EPB41L2: variants seen among roughly 807,000 people sequenced by gnomAD.
EPB41L2 encodes erythrocyte membrane protein band 4.1 like 2, also known as band 4.1-like protein 2.
In EPB41L2, 43 loss-of-function variants were observed where a neutral mutation model predicts 113.0. The ratio of observed to expected loss-of-function variants is 0.38; its 90% CI spans 0.30 to 0.49. EPB41L2 has a LOEUF of 0.49. Ranked by LOEUF, EPB41L2 falls within the 20% of genes least tolerant of loss-of-function variation. EPB41L2 has a pLI of 0.95. For synonymous variants in EPB41L2, 442 were observed against 436.7 expected, an observed-to-expected ratio of 1.01 and a Z score of -0.15; for missense variants, 1,147 against 1,223.4, an observed-to-expected ratio of 0.94 and a Z score of 0.93.
At chr6:130,898,305 C>G (rs1427765116) in intron 8 of EPB41L2, among the ~76,000 whole-genome samples, 3 of 152,014 alleles carry the variant, frequency 2.0e-5, no homozygotes, top group Non-Finnish European at 2.9e-5. Flanking sequence ...ATTAATAACA[C>G]AAATGCAAGA....
chr6:130,999,356 C>T (rs1783836206), intron 1 of EPB41L2, among the ~76,000 whole-genome samples: 1 of 152,132 alleles, frequency 6.6e-6, no homozygotes, highest in African/African-American at 2.4e-5. Flanking sequence ...CAGAAAGAAA[C>T]AATAAGAAAA....
rs564334775 is a variant in EPB41L2 at position 130,933,354 on chromosome 6, C to A, written c.706-6645G>T. Among the ~76,000 whole-genome samples, 8 of 152,278 alleles carry A rather than the reference C, an allele frequency of 5.3e-5. No individual in the cohort carries two copies. In the East Asian group the frequency reaches 1.3e-3, roughly 26 times the overall value. ...CTGTTAATAAAACTTGCCAAATACACTTCAAAAAGAAATATTTTGAATATA... is the reference window on the plus strand; with the variant it reads ...CTGTTAATAAAACTTGCCAAATACAATTCAAAAAGAAATATTTTGAATATA... On this transcript the variant is annotated intron_variant, in intron 3 of 19. Coordinates refer to ENST00000337057, the MANE Select transcript of EPB41L2 (RefSeq NM_001431.4).
At chr6:131,034,749 A>G (rs1342513979) in intron 1 of EPB41L2, among the ~76,000 whole-genome samples, 1 of 152,184 alleles carries the variant, frequency 6.6e-6, no homozygotes, top group East Asian at 1.9e-4. Flanking sequence ...CTATACTTGA[A>G]AGATCACCCT....
chr6:130,974,440 C>T (rs1414245648), intron 1 of EPB41L2, among the ~76,000 whole-genome samples: 1 of 152,082 alleles, frequency 6.6e-6, no homozygotes, highest in Admixed American at 6.5e-5. Flanking sequence ...TCAGCTCCTC[C>T]CTGGCTTCAA....
chr6:130,893,480 G>A (rs1562413844), intron 10 of EPB41L2, among the ~76,000 whole-genome samples: 1 of 152,202 alleles, frequency 6.6e-6, no homozygotes, highest in Non-Finnish European at 1.5e-5. Flanking sequence ...GGAAGCAGGG[G>A]TGCCTAGGGA....
intron 18 of EPB41L2, among the ~76,000 whole-genome samples, chr6:130,860,499 A>G (rs1190160131): frequency 6.6e-6 from 1 of 152,220 alleles, no homozygotes; most frequent in Non-Finnish European, 1.5e-5. Flanking sequence ...ATTATGAGAA[A>G]ACATCACATC....
At chr6:130,998,015 A>C (rs1389764618) in intron 1 of EPB41L2, among the ~76,000 whole-genome samples, 1 of 152,224 alleles carries the variant, frequency 6.6e-6, no homozygotes, top group African/African-American at 2.4e-5. Flanking sequence ...TCCTGTTAAA[A>C]GGTAGTTTAT....
intron 18 of EPB41L2, among the ~76,000 whole-genome samples, chr6:130,860,403 AGTTT>A (rs1781648039): frequency 6.6e-6 from 1 of 152,278 alleles, no homozygotes; most frequent in Non-Finnish European, 1.5e-5. Context: ...ATTCAAAATC[AGTTT>A]GTTAAAACTC....
intron 1 of EPB41L2, among the ~76,000 whole-genome samples, chr6:131,000,445 A>G (rs1323907618): frequency 6.6e-6 from 1 of 152,198 alleles, no homozygotes; most frequent in Non-Finnish European, 1.5e-5. Flanking sequence ...GTCTCCCAGG[A>G]AATCTGACCA....
intron 19 of EPB41L2, among the ~76,000 whole-genome samples, chr6:130,849,518 C>T (rs552402548): frequency 2.3e-4 from 35 of 152,122 alleles, no homozygotes; most frequent in Middle Eastern, 6.8e-3. Flanking sequence ...GTGTGATAAC[C>T]GTGAAAACTG....
intron 3 of EPB41L2, among the ~76,000 whole-genome samples, chr6:130,931,637 A>G (rs1338598214): frequency 6.6e-6 from 1 of 152,138 alleles, no homozygotes; most frequent in Admixed American, 6.5e-5. Flanking sequence ...GTGGCTCACA[A>G]CTTTGTCTTC....
chr6:130,948,585 G>A lies in EPB41L2; in HGVS notation c.705+6520C>T, dbSNP rs540723665. 5.9e-5 allele frequency among the ~76,000 whole-genome samples: 9 copies of A among 152,144 alleles called. No homozygotes were observed. In the South Asian group the frequency reaches 8.3e-4, roughly 14 times the overall value. ...TGGCAAAATAGAGTCACTAATCTCA[G>A]TAGTACTAAAAATAAATGGTCTAAA... On this transcript the variant is annotated intron_variant, in intron 3 of 19. Transcript: ENST00000337057.
chr6:130,980,836 A>G (rs929384697), intron 1 of EPB41L2, among the ~76,000 whole-genome samples: 1 of 152,168 alleles, frequency 6.6e-6, no homozygotes, highest in African/African-American at 2.4e-5. Context: ...GAAACAACCA[A>G]CATGCTTTTG....
chr6:130,870,444 A>C (rs1434086935), intron 14 of EPB41L2: 3 of 1,504,522 alleles, frequency 2.0e-6, no homozygotes, highest in Non-Finnish European at 2.7e-6. Context: ...CAACCACTGA[A>C]ACAAACATCT....
At chr6:130,886,997 T>C (rs1246422619) in intron 11 of EPB41L2, among the ~76,000 whole-genome samples, 3 of 152,170 alleles carry the variant, frequency 2.0e-5, no homozygotes, top group Non-Finnish European at 2.9e-5. Flanking sequence ...TTGGAAAGTA[T>C]ATGGCTATGA....
chr6:131,007,912 A>C (rs1003511383), intron 1 of EPB41L2, among the ~76,000 whole-genome samples: 3 of 152,234 alleles, frequency 2.0e-5, no homozygotes, highest in African/African-American at 7.2e-5. Context: ...TAAAATTTGA[A>C]TTTATGTTTA....
chr6:130,949,169 A>G (rs1423792058), intron 3 of EPB41L2, among the ~76,000 whole-genome samples: 1 of 152,184 alleles, frequency 6.6e-6, no homozygotes, highest in East Asian at 1.9e-4. Context: ...CCACATTCTG[A>G]CCACGCTGTA....
chr6:131,055,198 T>C, intron 1 of EPB41L2, among the ~76,000 whole-genome samples: 1 of 152,180 alleles, frequency 6.6e-6, no homozygotes, highest in Non-Finnish European at 1.5e-5. Flanking sequence ...CCTGCAGTAC[T>C]ACCTGACTTT....
At chr6:130,857,604 G>T (rs1374971020) in intron 19 of EPB41L2, among the ~76,000 whole-genome samples, 2 of 120,928 alleles carry the variant, frequency 1.7e-5, no homozygotes, top group Admixed American at 1.1e-4. Flanking sequence ...TGTTGCCCAG[G>T]ATAGAGTTCA....
Sources: allele counts gnomAD v4.1 joint callset (sites outside exome capture counted in the v4.1 genomes callset), GRCh38; gene constraint gnomAD v4.1.1; transcripts MANE v1.5; gene names NCBI Gene and HGNC (gene_info 2026-07-23, HGNC 2026-07-21).